Variants in IRAK2 observed in about 807,000 individuals in gnomAD.
IRAK2 encodes the protein interleukin 1 receptor associated kinase 2.
IRAK2 carries 57 observed loss-of-function variants against 72.0 expected under a neutral mutation model. That is an observed-to-expected ratio of 0.79 (90% confidence interval 0.64 to 0.99). The LOEUF (loss-of-function observed/expected upper bound fraction) is 0.99, where lower values mean the gene tolerates loss of function less well. Ranked by LOEUF, IRAK2 falls within the 50% of genes least tolerant of loss-of-function variation. The pLI, the probability that IRAK2 is intolerant of heterozygous loss-of-function variation, is 0.00. For missense variants in IRAK2, 790 were observed against 794.4 expected (o/e 0.99, Z 0.07); for synonymous variants, 293 against 312.7 (o/e 0.94, Z 0.67).
chr3:10,194,746 T>A (rs1204370894), intron 2 of IRAK2, among the ~76,000 whole-genome samples: 1 of 152,144 alleles, frequency 6.6e-6, no homozygotes. Flanking sequence ...TGCCGGCAGC[T>A]CCAGGGTGGA....
At chr3:10,228,418 C>T (rs1697812216) in intron 10 of IRAK2, among the ~76,000 whole-genome samples, 1 of 151,998 alleles carries the variant, frequency 6.6e-6, no homozygotes, top group Non-Finnish European at 1.5e-5. Flanking sequence ...GTCTGGGCAG[C>T]TCAGATGTGG....
chr3:10,239,093 A>T, intron 12 of IRAK2, 54 bp downstream of exon 12: 1 of 1,456,004 alleles, frequency 6.9e-7, no homozygotes, highest in Non-Finnish European at 9.2e-7. Context: ...CCCCAACTTC[A>T]GCCCATCATT....
intron 2 of IRAK2, among the ~76,000 whole-genome samples, chr3:10,190,369 C>T (rs1697156569): frequency 6.7e-6 from 1 of 148,878 alleles, no homozygotes; most frequent in Admixed American, 6.7e-5. Context: ...CAACCTCTGC[C>T]TCGTGGACTC....
intron 6 of IRAK2, among the ~76,000 whole-genome samples, chr3:10,214,831 G>C (rs537473614): frequency 6.6e-6 from 1 of 151,072 alleles, no homozygotes; most frequent in Non-Finnish European, 1.5e-5. Flanking sequence ...ATGGTGGCTC[G>C]CACCTATAAT....
chr3:10,232,760 T>C (rs1165555402), intron 10 of IRAK2, among the ~76,000 whole-genome samples: 1 of 92,566 alleles, frequency 1.1e-5, no homozygotes, highest in African/African-American at 4.4e-5. Flanking sequence ...CTAGTACACT[T>C]TAAAAAAAAA....
chr3:10,219,642 A>G (rs771091304), intron 7 of IRAK2, 38 bp from the exon 8 acceptor site: 2 of 1,504,884 alleles, frequency 1.3e-6, no homozygotes, highest in Non-Finnish European at 1.8e-6. Flanking sequence ...AAAAAGGTAC[A>G]TTGTGACTAT....
At chr3:10,167,418 CT>C (rs1168538999) in intron 1 of IRAK2, among the ~76,000 whole-genome samples, 2,038 of 143,882 alleles carry the variant, frequency 0.014, 31 homozygotes, top group African/African-American at 0.043. Flanking sequence ...TACTTAGTTT[CT>C]TTTTTTTTTT....
intron 10 of IRAK2, among the ~76,000 whole-genome samples, chr3:10,230,028 A>T (rs1217351868): frequency 6.6e-6 from 1 of 152,058 alleles, no homozygotes; most frequent in East Asian, 1.9e-4. Context: ...TGAACCTGGG[A>T]GGCAGAGTAC....
chr3:10,193,479 C>CTGGCGTGG (rs770768084), intron 2 of IRAK2, among the ~76,000 whole-genome samples: 2 of 151,868 alleles, frequency 1.3e-5, no homozygotes, highest in Non-Finnish European at 2.9e-5. Context: ...CAAAATTAGC[C>CTGGCGTGG]TGGCGTGGTG....
chr3:10,200,349 T>C lies in IRAK2; in HGVS notation c.278-20T>C, dbSNP rs138354620. On this transcript the variant is annotated intron_variant, in intron 2 of 12. Transcript: ENST00000256458. ...CCACTTCATGGAATAGTAATAACTT[T>C]CTTTCCACCTTGTTTTCAGGGAAAC... 1.3e-5 allele frequency: 20 copies of C among 1,567,770 alleles called. No homozygotes were observed. The African/African-American group carries it at 2.0e-4, about 16-fold the overall frequency.
At chr3:10,176,955 A>G (rs1696886900) in intron 1 of IRAK2, among the ~76,000 whole-genome samples, 1 of 151,414 alleles carries the variant, frequency 6.6e-6, no homozygotes, top group East Asian at 2.0e-4. Context: ...GGTGCCCGCC[A>G]CCACGCCCGG....
rs367602300 is a variant in IRAK2, at chr3:10,200,449, G to T, written c.358G>T (p.Val120Leu). Residue 120 changes from valine (V) to leucine (L), a missense_variant, in exon 3 of 13, where the codon GTA (valine) becomes TTA (leucine). Physicochemically the swap from Val to Leu is conservative, Grantham distance 32. Coordinates refer to ENST00000256458, the MANE Select transcript of IRAK2 (RefSeq NM_001570.4). ...GCCAGAAAAGCCTTTGGCAGCTTCT[G>T]TAAGAAAGGCTGAGGATGAACAGGA... is the stretch of plus-strand genomic sequence containing the variant. ...VKPEKPLAAS[V>L]RKAEDEQEEG... 8 of 1,608,990 alleles carry T rather than the reference G, an allele frequency of 5.0e-6. No homozygotes were observed. In the African/African-American group the frequency reaches 8.0e-5, roughly 16 times the overall value.
intron 1 of IRAK2, among the ~76,000 whole-genome samples, chr3:10,171,769 CTT>C (rs145535598): frequency 6.5e-5 from 9 of 138,040 alleles, no homozygotes; most frequent in African/African-American, 1.3e-4. Context: ...TGCACCCAGC[CTT>C]TTTTTTTTTT....
At chr3:10,185,597 G>T (rs1020830034) in intron 2 of IRAK2, among the ~76,000 whole-genome samples, 5 of 147,178 alleles carry the variant, frequency 3.4e-5, no homozygotes, top group Non-Finnish European at 5.9e-5. Flanking sequence ...TGCTCTGGCT[G>T]GGCGCGGTGG....
intron 4 of IRAK2, among the ~76,000 whole-genome samples, chr3:10,212,318 C>T (rs1164756096): frequency 6.6e-6 from 1 of 151,550 alleles, no homozygotes; most frequent in Non-Finnish European, 1.5e-5. Flanking sequence ...TTTTTTAAAG[C>T]TCATCAGCTA....
intron 6 of IRAK2, among the ~76,000 whole-genome samples, chr3:10,215,158 G>A (rs1032630058): frequency 1.3e-5 from 2 of 151,714 alleles, no homozygotes; most frequent in Admixed American, 6.6e-5. Flanking sequence ...AGGCCGAGGT[G>A]GGCAGATCAG....
intron 1 of IRAK2, 138 bp from the exon 2 acceptor site, chr3:10,177,700 C>G: frequency 1.2e-6 from 1 of 809,992 alleles, no homozygotes; most frequent in South Asian, 1.6e-5. Context: ...TGGACCTCAG[C>G]TAATGGTGGT....
intron 1 of IRAK2, among the ~76,000 whole-genome samples, chr3:10,175,508 C>G (rs896566520): frequency 1.3e-5 from 2 of 152,114 alleles, no homozygotes; most frequent in African/African-American, 4.8e-5. Flanking sequence ...AATCCCAGCA[C>G]TTTAAGAGGT....
intron 2 of IRAK2, among the ~76,000 whole-genome samples, chr3:10,190,806 C>T (rs570471562): frequency 8.5e-5 from 13 of 152,298 alleles, no homozygotes; most frequent in Admixed American, 4.6e-4. Context: ...AGTTCCTCAA[C>T]GCAACAAATA....
Sources: gnomAD v4.1 joint callset for allele counts (sites outside exome capture counted in the v4.1 genomes callset) on GRCh38, gnomAD v4.1.1 for gene constraint, MANE v1.5 for transcripts, NCBI Gene and HGNC (gene_info 2026-07-23, HGNC 2026-07-21) for gene names.